DGKQ: variants seen among roughly 807,000 people sequenced by gnomAD.
DGKQ encodes DAG kinase theta.
Under a neutral mutation model 104.2 loss-of-function variants are expected in DGKQ, and 97 were observed. That is an observed-to-expected ratio of 0.93 (90% confidence interval 0.79 to 1.10). The LOEUF (loss-of-function observed/expected upper bound fraction) is 1.10, where lower values mean the gene tolerates loss of function less well. Ranked by LOEUF, DGKQ falls within the 50% of genes least tolerant of loss-of-function variation. The pLI, the probability that DGKQ is intolerant of heterozygous loss-of-function variation, is 0.00. For missense variants in DGKQ, 1,465 were observed against 1,352.1 expected (o/e 1.08, Z -1.31); for synonymous variants, 736 against 595.2 (o/e 1.24, Z -3.44).
In DGKQ at chr4:973,347, C is replaced by T; in HGVS notation, c.136G>A (p.Glu46Lys). ...CCCGGGGCTCTGACGCCCGCCCGCT[C>T]GGGTCCCGGCCCCGGCCCCGGCCCC... ...RPGPGPGPGP[E>K]RAGVRAPGPA... Residue 46 changes from glutamate to lysine, a missense_variant, in exon 1 of 23, where the codon GAG becomes AAG. Coordinates refer to ENST00000273814, the MANE Select transcript of DGKQ (RefSeq NM_001347.4). 1 of 1,319,886 alleles carries T rather than the reference C, an allele frequency of 7.6e-7. No individual in the cohort carries two copies. Among genetic ancestry groups the T allele is most frequent in the Non-Finnish European group, 9.7e-7 (1 of 1,027,804 alleles). The allele number at this position is 1,319,886 out of a possible 1,614,324, so 81.8% of individuals were successfully genotyped here.
At chr4:965,856 A>G in intron 13 of DGKQ, 72 bp downstream of exon 13, 1 of 1,456,710 alleles carries the variant, frequency 6.9e-7, no homozygotes, top group Non-Finnish European at 9.2e-7. Flanking sequence ...CCGGCTCAGC[A>G]CTGCAGCCCC....
At chr4:968,106 C>A in intron 5 of DGKQ, 79 bp from the exon 6 acceptor site, 1 of 1,093,104 alleles carries the variant, frequency 9.1e-7, no homozygotes, top group African/African-American at 1.7e-5. Flanking sequence ...AGGGAAAGAC[C>A]CCACACGACG....
At chr4:970,301 G>A (rs1318111229) in intron 2 of DGKQ, among the ~76,000 whole-genome samples, 1 of 152,250 alleles carries the variant, frequency 6.6e-6, no homozygotes, top group Non-Finnish European at 1.5e-5. Flanking sequence ...TGCGGACTTG[G>A]GGGGCCTCAG....
At chr4:961,251 C>T (rs954962739) in intron 21 of DGKQ, 50 bp from the exon 22 acceptor site, 6 of 1,461,518 alleles carry the variant, frequency 4.1e-6, no homozygotes, top group East Asian at 5.0e-5. Flanking sequence ...GGACGCCCAC[C>T]GCTGACCTGG....
At chr4:965,847 C>A in intron 13 of DGKQ, 81 bp downstream of exon 13, 1 of 1,420,810 alleles carries the variant, frequency 7.0e-7, no homozygotes, top group African/African-American at 1.4e-5. Flanking sequence ...AGGCAGGAGC[C>A]GGCTCAGCAC....
chr4:964,442 T>C (rs1712134441), intron 15 of DGKQ, among the ~76,000 whole-genome samples: 1 of 152,122 alleles, frequency 6.6e-6, no homozygotes, highest in African/African-American at 2.4e-5. Context: ...GAAGGCACGG[T>C]GTGCAGCGTG....
intron 2 of DGKQ, among the ~76,000 whole-genome samples, chr4:969,870 C>G (rs1360176058): frequency 1.3e-5 from 2 of 152,216 alleles, no homozygotes; most frequent in African/African-American, 4.8e-5. Flanking sequence ...CTCGGCCTCC[C>G]AAAGTGCTGG....
intron 8 of DGKQ, 60 bp from the exon 9 acceptor site, chr4:967,421 G>T: frequency 8.2e-7 from 1 of 1,214,092 alleles, no homozygotes; most frequent in East Asian, 2.6e-5. Context: ...TTCAGTGGGG[G>T]GCAGGTCATG....
At position 965,182 on chromosome 4, in the gene DGKQ, G is replaced by A. The variant is rs1047726501; in HGVS notation, c.1728C>T (p.Asp576=). ...GGCTTGACCGCACACTCACCAGCAG[G>A]TCGGGGAGCACCAGGGCAGTGAGCA... ...GRLLTALVLP[D]LLHAKLPPDS... is the part of the protein sequence containing the mutation. Residue 576 remains aspartate, a synonymous_variant, in exon 15 of 23, where the codon GAC becomes GAT. Coordinates refer to ENST00000273814, the MANE Select transcript of DGKQ (RefSeq NM_001347.4). The A allele has an allele frequency of 2.5e-6, 4 of 1,612,396 alleles. No homozygotes were observed.
chr4:967,271 A>G lies in DGKQ; in HGVS notation c.1078T>C (p.Trp360Arg). ...LPPSSQACDA[W>R]AGGKAGSAVI... ...GCACTCCCAGCCTTGCCCCCAGCCC[A>G]GGCGTCACAGGCCTGAGAGGAAGGG... is the stretch of plus-strand genomic sequence containing the variant. Residue 360 changes from tryptophan to arginine, a missense_variant, in exon 9 of 23, where the codon TGG (tryptophan) becomes CGG (arginine). Coordinates refer to ENST00000273814, the MANE Select transcript of DGKQ (RefSeq NM_001347.4). 6.4e-7 allele frequency: 1 copy of G among 1,550,590 alleles called. No homozygotes were observed. The highest frequency in any genetic ancestry group is 1.2e-5 in the South Asian group (1 of 84,908).
Position 960,547 on chromosome 4 carries a change from G to T in DGKQ, c.*73C>A. ...CCGGCCACTGTGTGGACGTGGAGCT[G>T]CCTCCAGACCACCTGAAAACAAGGC... On this transcript the variant is annotated 3_prime_UTR_variant, in exon 23 of 23. Transcript: ENST00000273814. 7.2e-7 allele frequency: 1 copy of T among 1,397,168 alleles called. No individual in the cohort carries two copies. The highest frequency in any genetic ancestry group is 1.0e-6 in the Non-Finnish European group (1 of 996,700). 86.5% of individuals were successfully genotyped at this position (1,397,168 alleles called of 1,614,324 possible).
chr4:969,577 A>G (rs1340277918), intron 2 of DGKQ, among the ~76,000 whole-genome samples: 1 of 151,798 alleles, frequency 6.6e-6, no homozygotes, highest in Non-Finnish European at 1.5e-5. Context: ...GCATGCCAGG[A>G]TGGCGGGTGA....
intron 13 of DGKQ, 21 bp downstream of exon 13, chr4:965,907 G>A (rs761587192): frequency 1.9e-4 from 296 of 1,575,160 alleles, no homozygotes; most frequent in Admixed American, 3.2e-4. Flanking sequence ...AGCAGCCCAC[G>A]GCCAGCCACA....
rs113459053 is a variant in DGKQ at position 966,889 on chromosome 4, G to C, written c.1311+75C>G. The C allele has an allele frequency of 2.1e-5, 33 of 1,553,012 alleles. 1 individual carries two copies. The African/African-American group carries it at 3.3e-4, about 15-fold the overall frequency. Reference sequence around the variant, plus strand: ...GGGACAGCCACGCCTGGGCTGGGATGGTGGCCTGGCCTCCTGGGGACAGCG... The same window carrying C: ...GGGACAGCCACGCCTGGGCTGGGATCGTGGCCTGGCCTCCTGGGGACAGCG... On this transcript the variant is annotated intron_variant, in intron 10 of 22. Transcript: ENST00000273814.
In DGKQ at chr4:961,717, A is replaced by C. The variant is rs763453467; in HGVS notation, c.2433T>G (p.Ile811Met). 1 of 1,612,682 alleles carries C rather than the reference A, an allele frequency of 6.2e-7. No homozygotes were observed. The highest frequency in any genetic ancestry group is 1.7e-5 in the Admixed American group (1 of 60,000). ...GGATGTTGATGAAGATGAGGCCTTC[A>C]ATACTGGGCAGCTCCACCTCCTGCC... ...VERQEVELPS[I>M]EGLIFINIPS... The change falls in exon 20 of 23, where the codon ATT becomes ATG. Residue 811 changes from isoleucine to methionine, a missense_variant. Transcript: ENST00000273814.
chr4:973,075 G>A, intron 1 of DGKQ, 137 bp downstream of exon 1: 1 of 1,268,016 alleles, frequency 7.9e-7, no homozygotes, highest in Non-Finnish European at 1.0e-6. Context: ...GCCGCCCCAC[G>A]AAGGCACGTC....
chr4:973,217 C>T lies in DGKQ; in HGVS notation c.266G>A (p.Cys89Tyr). 1 of 1,556,934 alleles carries T rather than the reference C, an allele frequency of 6.4e-7. No individual in the cohort carries two copies. The highest frequency in any genetic ancestry group is 1.2e-5 in the South Asian group (1 of 85,294). Residue 89 changes from cysteine (C) to tyrosine (Y), a missense_variant, in exon 1 of 23, where the codon TGC becomes TAC. By Grantham distance (194) the Cys-to-Tyr change is radical. Coordinates refer to ENST00000273814, the MANE Select transcript of DGKQ (RefSeq NM_001347.4). ...CATCGGGCCCGGGCGCTCACCGTCG[C>T]ACAGGAAGCCGGCCAGCCCCCAGAT... The part of the protein sequence containing the change: ...DFIWGLAGFL[C>Y]DVCNFMSHEK...
At chr4:972,008 G>A (rs564314799) in intron 1 of DGKQ, among the ~76,000 whole-genome samples, 6 of 152,062 alleles carry the variant, frequency 3.9e-5, no homozygotes, top group Non-Finnish European at 5.9e-5. Context: ...AGGGTCCACC[G>A]AGAGAAGGGG....
chr4:961,446 C>G, intron 21 of DGKQ, 21 bp downstream of exon 21: 1 of 1,572,874 alleles, frequency 6.4e-7, no homozygotes. Flanking sequence ...GGCTCGCCCG[C>G]CCACTCGGCC....
Sources: gnomAD v4.1 joint callset for allele counts (sites outside exome capture counted in the v4.1 genomes callset) on GRCh38, gnomAD v4.1.1 for gene constraint, MANE v1.5 for transcripts, NCBI Gene and HGNC (gene_info 2026-07-23, HGNC 2026-07-21) for gene names.